TOMM7: variants seen among roughly 807,000 people sequenced by gnomAD.
TOMM7 encodes the protein translocase of outer mitochondrial membrane 7, also known as mitochondrial import receptor subunit TOM7 homolog.
In TOMM7, 8 loss-of-function variants were observed where a neutral mutation model predicts 9.5. The observed-to-expected ratio is 0.84, with a 90% CI of 0.49 to 1.51. TOMM7 has a LOEUF of 1.51. Ranked by LOEUF, TOMM7 falls within the 40% of genes most tolerant of loss-of-function variation. The pLI, the probability that TOMM7 is intolerant of heterozygous loss-of-function variation, is 0.00. For synonymous variants in TOMM7, 27 were observed against 21.4 expected (o/e 1.26, Z -0.72); for missense variants, 74 against 63.7 (o/e 1.16, Z -0.55).
intron 1 of TOMM7, among the ~76,000 whole-genome samples, chr7:22,819,175 AACTG>A (rs952572771): frequency 5.3e-5 from 8 of 152,174 alleles, no homozygotes; most frequent in Admixed American, 1.3e-4. Flanking sequence ...TTGTTGAAGC[AACTG>A]ACTAAGTTAG....
rs746170123 is a variant in TOMM7, at chr7:22,817,994, C to A, written c.152+6G>T. The stretch of plus-strand genomic sequence containing the variant: ...GTCCTGAAATGTTTAGTTTTAAGAG[C>A]AGTACCTCAAAACAGTTGGTTCAGG... On this transcript the variant is annotated splice_donor_region_variant and intron_variant, in intron 2 of 2. Coordinates refer to ENST00000358435, the MANE Select transcript of TOMM7 (RefSeq NM_019059.5). 25 of 1,613,164 alleles carry A rather than the reference C, an allele frequency of 1.5e-5. No homozygotes were observed. The highest frequency in any genetic ancestry group is 2.1e-5 in the Non-Finnish European group (25 of 1,179,382).
At chr7:22,815,258 C>CA (rs1375059035) in intron 2 of TOMM7, among the ~76,000 whole-genome samples, 1 of 151,976 alleles carries the variant, frequency 6.6e-6, no homozygotes, top group Non-Finnish European at 1.5e-5. Flanking sequence ...AATGCAGCCC[C>CA]AAAAAAGGAC....
At chr7:22,813,573 G>C (rs1311535698) in intron 2 of TOMM7, among the ~76,000 whole-genome samples, 1 of 152,024 alleles carries the variant, frequency 6.6e-6, no homozygotes, top group African/African-American at 2.4e-5. Context: ...CTGTGCATTA[G>C]ACACTGAGGA....
rs528247553 is a variant in TOMM7 at position 22,822,721 on chromosome 7, T to C, written c.59A>G (p.Gln20Arg). Residue 20 changes from glutamine to arginine, a missense_variant, in exon 1 of 3, where the codon CAG (glutamine) becomes CGG (arginine). Physicochemically the swap from Gln to Arg is conservative, Grantham distance 43. Transcript: ENST00000358435. ...GATAAAGCCCCAGCGAATGGCAAAC[T>C]GGCTCCCCTTGAAGAGCTGCTGTAG... ...QRLQQLFKGSQFAIRWGFIPL... is the reference protein window; with the variant it reads ...QRLQQLFKGSRFAIRWGFIPL... The C allele has an allele frequency of 6.2e-7, 1 of 1,614,230 alleles. No homozygotes were observed. Among genetic ancestry groups the C allele is most frequent in the East Asian group, 2.2e-5 (1 of 44,882 alleles).
intron 1 of TOMM7, 99 bp downstream of exon 1, chr7:22,822,578 C>T (rs1782408884): frequency 1.9e-6 from 2 of 1,042,904 alleles, no homozygotes; most frequent in Non-Finnish European, 3.0e-6. Context: ...ACGGCAGTGT[C>T]CCCTATTTTT....
chr7:22,818,780 C>CT (rs1782348804), intron 1 of TOMM7, among the ~76,000 whole-genome samples: 1 of 152,072 alleles, frequency 6.6e-6, no homozygotes, highest in South Asian at 2.1e-4. Flanking sequence ...CACAACTAAA[C>CT]TTTTTAATTT....
intron 2 of TOMM7, among the ~76,000 whole-genome samples, chr7:22,814,470 G>A (rs1421322859): frequency 6.6e-6 from 1 of 151,982 alleles, no homozygotes; most frequent in African/African-American, 2.4e-5. Context: ...AGTGAGCCAT[G>A]ACTGCGCCAC....
intron 1 of TOMM7, among the ~76,000 whole-genome samples, chr7:22,820,405 G>T (rs1324376635): frequency 6.6e-6 from 1 of 152,148 alleles, no homozygotes; most frequent in African/African-American, 2.4e-5. Flanking sequence ...ACTCTTACAC[G>T]AAGCCCCTGG....
intron 2 of TOMM7, among the ~76,000 whole-genome samples, chr7:22,815,925 C>T (rs1323666009): frequency 1.3e-5 from 2 of 152,098 alleles, no homozygotes; most frequent in South Asian, 2.1e-4. Flanking sequence ...TGAGATTGGG[C>T]TTTTCTAGAA....
chr7:22,818,098 G>T (rs1562673017), intron 1 of TOMM7, 50 bp from the exon 2 acceptor site: 1 of 1,550,690 alleles, frequency 6.4e-7, no homozygotes, highest in Non-Finnish European at 8.9e-7. Context: ...AACCCCAGCA[G>T]ACAAAACATT....
chr7:22,818,636 T>G (rs1332982127), intron 1 of TOMM7, among the ~76,000 whole-genome samples: 4 of 152,102 alleles, frequency 2.6e-5, no homozygotes, highest in African/African-American at 9.7e-5. Context: ...TCCTATTATA[T>G]ACACAATTGG....
chr7:22,822,033 A>T, intron 1 of TOMM7: 1 of 1,183,966 alleles, frequency 8.4e-7, no homozygotes, highest in Non-Finnish European at 1.1e-6. Flanking sequence ...CAAATCCTTT[A>T]AGTGCGCTAT....
intron 1 of TOMM7, chr7:22,822,012 CA>C: frequency 2.0e-5 from 21 of 1,063,498 alleles, no homozygotes; most frequent in South Asian, 5.7e-5. Context: ...AAACAAAAAC[CA>C]AAAAAACCCC....
intron 1 of TOMM7, among the ~76,000 whole-genome samples, chr7:22,819,541 T>C (rs551484859): frequency 1.3e-5 from 2 of 152,288 alleles, no homozygotes; most frequent in South Asian, 2.1e-4. Context: ...CAGCTAACTT[T>C]TGTATTTTTA....
rs371820988 is a variant in TOMM7, at chr7:22,822,810, C to G, written c.-31G>C. 3.5e-5 allele frequency: 55 copies of G among 1,566,566 alleles called. No homozygotes were observed. The African/African-American group carries it at 6.5e-4, about 18-fold the overall frequency. ...CGGCCGTGTGGCGCAGGGAGGACCCCTTACAGCAACCACAGCGTCGGGAAT... is the reference window on the plus strand; with the variant it reads ...CGGCCGTGTGGCGCAGGGAGGACCCGTTACAGCAACCACAGCGTCGGGAAT... On this transcript the variant is annotated 5_prime_UTR_variant, in exon 1 of 3. Transcript: ENST00000358435.
At chr7:22,820,855 G>A (rs4722189) in intron 1 of TOMM7, among the ~76,000 whole-genome samples, 67,465 of 152,016 alleles carry the variant, frequency 0.44, 16,984 homozygotes, top group African/African-American at 0.68. Flanking sequence ...GTCTTTTTAA[G>A]TTCTATAATC....
chr7:22,819,074 T>G (rs1782353398), intron 1 of TOMM7, among the ~76,000 whole-genome samples: 1 of 152,186 alleles, frequency 6.6e-6, no homozygotes, highest in South Asian at 2.1e-4. Flanking sequence ...TTTAACAACC[T>G]AATTAAATCA....
intron 1 of TOMM7, among the ~76,000 whole-genome samples, chr7:22,821,420 A>G (rs919188579): frequency 5.4e-5 from 8 of 148,760 alleles, no homozygotes; most frequent in African/African-American, 1.2e-4. Flanking sequence ...AAAAAAAAAA[A>G]AAAGAAAAAG....
chr7:22,813,998 C>T (rs1447795761), intron 2 of TOMM7, among the ~76,000 whole-genome samples: 1 of 149,278 alleles, frequency 6.7e-6, no homozygotes. Flanking sequence ...GTATTAAAAT[C>T]GCCTCTTAAA....
Sources: gnomAD v4.1 joint callset for allele counts (sites outside exome capture counted in the v4.1 genomes callset) on GRCh38, gnomAD v4.1.1 for gene constraint, MANE v1.5 for transcripts, NCBI Gene and HGNC (gene_info 2026-07-23, HGNC 2026-07-21) for gene names.